Variants in DCLK1 observed in about 807,000 individuals in gnomAD.
DCLK1 encodes doublecortin like kinase 1, also known as serine/threonine-protein kinase DCLK1.
A neutral mutation model predicts 86.2 loss-of-function variants in DCLK1; 16 were observed. That is an observed-to-expected ratio of 0.19 (90% confidence interval 0.13 to 0.28). The LOEUF is 0.28. Ranked by LOEUF, DCLK1 falls within the 10% of genes least tolerant of loss-of-function variation. DCLK1 has a pLI of 1.00. For synonymous variants in DCLK1, 369 were observed against 370.5 expected, an observed-to-expected ratio of 1.00 and a Z score of 0.05; for missense variants, 590 against 940.2, an observed-to-expected ratio of 0.63 and a Z score of 4.87.
At chr13:35,821,790 C>T (rs1235916617) in intron 11 of DCLK1, among the ~76,000 whole-genome samples, 1 of 151,802 alleles carries the variant, frequency 6.6e-6, no homozygotes, top group Non-Finnish European at 1.5e-5. Context: ...GCACCCCATA[C>T]TTAGTCTCTA....
At chr13:36,033,150 C>T (rs747406367) in intron 3 of DCLK1, among the ~76,000 whole-genome samples, 1 of 152,168 alleles carries the variant, frequency 6.6e-6, no homozygotes, top group Non-Finnish European at 1.5e-5. Context: ...AACCACTTAA[C>T]GACATTTACA....
intron 3 of DCLK1, among the ~76,000 whole-genome samples, chr13:36,106,350 AAGTGTC>A (rs1885395835): frequency 6.6e-6 from 1 of 152,194 alleles, no homozygotes; most frequent in African/African-American, 2.4e-5. Flanking sequence ...TCTGTAAGTG[AAGTGTC>A]ATTACGATTC....
Position 35,924,252 on chromosome 13 carries a change from C to CT in DCLK1, c.823+23105dup, listed in dbSNP as rs879607351. On this transcript the variant is annotated intron_variant, in intron 4 of 16. Coordinates refer to ENST00000360631, the MANE Select transcript of DCLK1 (RefSeq NM_001330071.2). ...TGATGTGAGATAAGTGGGGGCAAAT[C>CT]TTTTTTTTTTTTAAATGGCTGTCTC... is the stretch of plus-strand genomic sequence containing the variant. 9.7e-4 allele frequency among the ~76,000 whole-genome samples: 143 copies of CT among 147,360 alleles called. 1 individual carries two copies. The highest frequency in any genetic ancestry group is 2.4e-3 in the South Asian group (11 of 4,594).
intron 3 of DCLK1, among the ~76,000 whole-genome samples, chr13:36,100,709 T>G (rs1414069694): frequency 6.6e-6 from 1 of 152,126 alleles, no homozygotes; most frequent in Non-Finnish European, 1.5e-5. Flanking sequence ...CTGCCCTAAG[T>G]CATGGGCAGC....
rs1875722482 is a variant in DCLK1 at position 35,920,307 on chromosome 13, A to G, written c.823+27051T>C. 2.0e-5 allele frequency among the ~76,000 whole-genome samples: 3 copies of G among 152,174 alleles called. No homozygotes were observed. The South Asian group carries it at 6.2e-4, about 32-fold the overall frequency. On this transcript the variant is annotated intron_variant, in intron 4 of 16. Coordinates refer to ENST00000360631, the MANE Select transcript of DCLK1 (RefSeq NM_001330071.2). ...ACACGTATGGAGCATAGCAATGCACATAGCATCACGGAAGGGACTAGCTGT... is the reference window on the plus strand; with the variant it reads ...ACACGTATGGAGCATAGCAATGCACGTAGCATCACGGAAGGGACTAGCTGT...
At chr13:36,013,269 G>A (rs1280126465) in intron 3 of DCLK1, among the ~76,000 whole-genome samples, 1 of 151,934 alleles carries the variant, frequency 6.6e-6, no homozygotes, top group Non-Finnish European at 1.5e-5. Flanking sequence ...CATTGCTGGT[G>A]AGGAACTGCG....
intron 4 of DCLK1, among the ~76,000 whole-genome samples, chr13:35,911,288 C>T (rs1454217136): frequency 1.4e-5 from 2 of 141,264 alleles, no homozygotes; most frequent in Admixed American, 6.8e-5. Context: ...AGCGAGATTC[C>T]GTCAAAAAAA....
At chr13:36,031,631 G>A (rs1425993655) in intron 3 of DCLK1, among the ~76,000 whole-genome samples, 2 of 152,162 alleles carry the variant, frequency 1.3e-5, no homozygotes, top group African/African-American at 2.4e-5. Context: ...CATTTGTTAA[G>A]TTGTAAAGAT....
chr13:35,940,871 C>T (rs959553744), intron 4 of DCLK1, among the ~76,000 whole-genome samples: 5 of 152,168 alleles, frequency 3.3e-5, no homozygotes, highest in African/African-American at 1.2e-4. Context: ...TTAAGCCCCA[C>T]AAATGAAGCT....
intron 15 of DCLK1, among the ~76,000 whole-genome samples, chr13:35,799,410 C>T (rs985109064): frequency 8.5e-5 from 13 of 152,128 alleles, no homozygotes; most frequent in African/African-American, 3.1e-4. Context: ...TGCCACCATG[C>T]GTGGCTAATT....
chr13:35,801,204 C>T (rs2086912566), intron 15 of DCLK1, among the ~76,000 whole-genome samples: 1 of 152,158 alleles, frequency 6.6e-6, no homozygotes. Flanking sequence ...AATTTGATTG[C>T]CAAATGCAAA....
At chr13:35,954,498 CAT>C (rs955147178) in intron 3 of DCLK1, among the ~76,000 whole-genome samples, 1 of 152,116 alleles carries the variant, frequency 6.6e-6, no homozygotes, top group African/African-American at 2.4e-5. Flanking sequence ...CATGTAATTC[CAT>C]ATGTTTCTGG....
chr13:35,958,077 AC>A (rs2153136177), intron 3 of DCLK1, among the ~76,000 whole-genome samples: 1 of 119,410 alleles, frequency 8.4e-6, no homozygotes, highest in Non-Finnish European at 1.6e-5. Flanking sequence ...CACCACCACC[AC>A]TACTATAACC....
intron 15 of DCLK1, among the ~76,000 whole-genome samples, chr13:35,802,847 C>T (rs1180313104): frequency 6.6e-6 from 1 of 152,270 alleles, no homozygotes; most frequent in South Asian, 2.1e-4. Flanking sequence ...TTTTGTCATA[C>T]AGCATTAACA....
At chr13:35,857,345 A>G (rs527483638) in intron 5 of DCLK1, among the ~76,000 whole-genome samples, 1 of 152,272 alleles carries the variant, frequency 6.6e-6, no homozygotes, top group East Asian at 1.9e-4. Flanking sequence ...ATGAACACAA[A>G]CATACAGCTA....
At chr13:36,077,870 G>T (rs768217339) in intron 3 of DCLK1, among the ~76,000 whole-genome samples, 6 of 152,194 alleles carry the variant, frequency 3.9e-5, no homozygotes, top group Non-Finnish European at 2.9e-5. Context: ...CATGGAGAAT[G>T]TGCAATGTCA....
chr13:35,850,676 C>T (rs776026682), intron 6 of DCLK1: 176 of 1,508,196 alleles, frequency 1.2e-4, no homozygotes, highest in Non-Finnish European at 1.5e-4. Context: ...AAATGTGAAA[C>T]CTTCACCCAA....
chr13:35,813,177 C>A (rs1435354408), intron 11 of DCLK1, among the ~76,000 whole-genome samples: 1 of 152,168 alleles, frequency 6.6e-6, no homozygotes, highest in Non-Finnish European at 1.5e-5. Context: ...TTAACAATAA[C>A]CTTTCTAAAA....
chr13:35,987,625 AAAAAT>A (rs778602359), intron 3 of DCLK1, among the ~76,000 whole-genome samples: 215 of 152,222 alleles, frequency 1.4e-3, no homozygotes, highest in Non-Finnish European at 2.3e-3. Flanking sequence ...CAACAATAAA[AAAAAT>A]AAAATAAAAT....
Sources: gnomAD v4.1 joint callset for allele counts (sites outside exome capture counted in the v4.1 genomes callset) on GRCh38, gnomAD v4.1.1 for gene constraint, MANE v1.5 for transcripts, NCBI Gene and HGNC (gene_info 2026-07-23, HGNC 2026-07-21) for gene names.